THSD7B: variants seen among roughly 807,000 people sequenced by gnomAD.
The protein encoded by THSD7B is thrombospondin type 1 domain containing 7B.
In THSD7B, 138 loss-of-function variants were observed where a neutral mutation model predicts 213.6. The observed-to-expected ratio is 0.65, with a 90% CI of 0.56 to 0.74. The LOEUF is 0.74. THSD7B is among the 30% of genes least tolerant of loss of function. The pLI, the probability that THSD7B is intolerant of heterozygous loss-of-function variation, is 0.00. For synonymous variants in THSD7B, 742 were observed against 687.0 expected (o/e 1.08, Z -1.25); for missense variants, 1,931 against 1,991.5 (o/e 0.97, Z 0.58).
rs188069726 is a variant in THSD7B, at chr2:137,465,718, T to A, written c.3138+14695T>A. Among the ~76,000 whole-genome samples the A allele has an allele frequency of 1.6e-4, 24 of 152,278 alleles. No individual in the cohort carries two copies. The South Asian group carries it at 3.3e-3, about 21-fold the overall frequency. On this transcript the variant is annotated intron_variant, in intron 15 of 27. Transcript: ENST00000409968. Reference sequence around the variant, plus strand: ...AGTAACATGGGTGTGTACTACATGTTCATTGTTCTTAGAGGCAAACAAGCC... The same window carrying A: ...AGTAACATGGGTGTGTACTACATGTACATTGTTCTTAGAGGCAAACAAGCC...
chr2:137,077,780 G>T (rs955349868), intron 3 of THSD7B, among the ~76,000 whole-genome samples: 6 of 150,058 alleles, frequency 4.0e-5, no homozygotes, highest in African/African-American at 1.5e-4. Context: ...TAGGTTGCCT[G>T]TTCACTCTGA....
chr2:136,902,478 G>A (rs1218799150), intron 2 of THSD7B, among the ~76,000 whole-genome samples: 1 of 152,210 alleles, frequency 6.6e-6, no homozygotes, highest in East Asian at 1.9e-4. Context: ...AGGAAGACAG[G>A]TTGGAGCAGC....
chr2:137,050,283 T>C (rs947301145), intron 2 of THSD7B, among the ~76,000 whole-genome samples: 8 of 152,256 alleles, frequency 5.3e-5, no homozygotes, highest in South Asian at 4.1e-4. Context: ...TTTTAAAAGG[T>C]GGTTTTCTGT....
chr2:137,289,467 G>A (rs928322920), intron 12 of THSD7B, among the ~76,000 whole-genome samples: 11 of 151,888 alleles, frequency 7.2e-5, no homozygotes, highest in African/African-American at 1.2e-4. Context: ...ATTTAAAAAC[G>A]TGGGTATGGT....
intron 2 of THSD7B, among the ~76,000 whole-genome samples, chr2:136,991,859 G>A (rs754650253): frequency 3.3e-5 from 5 of 152,194 alleles, no homozygotes; most frequent in Middle Eastern, 3.4e-3. Flanking sequence ...TGTAATTCAG[G>A]TTCATTAACT....
chr2:137,627,123 C>T (rs1266335619), intron 20 of THSD7B, among the ~76,000 whole-genome samples: 1 of 152,136 alleles, frequency 6.6e-6, no homozygotes, highest in African/African-American at 2.4e-5. Context: ...AGAAAGAGAA[C>T]AAGAGCAAGA....
chr2:137,513,650 A>C (rs1023948557), intron 15 of THSD7B, among the ~76,000 whole-genome samples: 1 of 152,296 alleles, frequency 6.6e-6, no homozygotes, highest in Admixed American at 6.5e-5. Flanking sequence ...TAAAAAAGTT[A>C]TTATTATTTT....
intron 15 of THSD7B, among the ~76,000 whole-genome samples, chr2:137,469,199 G>C (rs1688047645): frequency 6.6e-6 from 1 of 152,138 alleles, no homozygotes; most frequent in Admixed American, 6.6e-5. Context: ...AAACCAGAAA[G>C]GTAATTGAAT....
intron 17 of THSD7B, among the ~76,000 whole-genome samples, chr2:137,585,710 G>T (rs1381454820): frequency 6.6e-6 from 1 of 152,092 alleles, no homozygotes; most frequent in Non-Finnish European, 1.5e-5. Context: ...GAGACAGTTT[G>T]TTATAATATC....
At chr2:137,261,791 C>T (rs547644803) in intron 10 of THSD7B, among the ~76,000 whole-genome samples, 1 of 152,062 alleles carries the variant, frequency 6.6e-6, no homozygotes, top group East Asian at 1.9e-4. Context: ...ACAACCACCT[C>T]CAAAACAAAA....
At chr2:137,129,467 T>C (rs1424098090) in intron 5 of THSD7B, among the ~76,000 whole-genome samples, 2 of 151,554 alleles carry the variant, frequency 1.3e-5, no homozygotes, top group Non-Finnish European at 2.9e-5. Flanking sequence ...TAAGACAGAG[T>C]CTCACTCTGT....
chr2:137,117,646 T>G (rs2104940893), intron 5 of THSD7B, among the ~76,000 whole-genome samples: 1 of 152,222 alleles, frequency 6.6e-6, no homozygotes, highest in East Asian at 1.9e-4. Context: ...ATTGCTTAAC[T>G]TTTCTTCCAT....
At chr2:137,081,045 A>G (rs933381407) in intron 3 of THSD7B, among the ~76,000 whole-genome samples, 4 of 152,152 alleles carry the variant, frequency 2.6e-5, no homozygotes, top group African/African-American at 4.8e-5. Context: ...CTTGATTTGT[A>G]TACTGTTTTG....
intron 12 of THSD7B, among the ~76,000 whole-genome samples, chr2:137,343,358 T>A (rs954347946): frequency 5.3e-5 from 8 of 151,856 alleles, no homozygotes; most frequent in East Asian, 3.9e-4. Context: ...TCAGTCTTAG[T>A]GAGTGATATG....
chr2:137,230,374 G>A (rs538626148), intron 7 of THSD7B, among the ~76,000 whole-genome samples: 1 of 152,276 alleles, frequency 6.6e-6, no homozygotes, highest in South Asian at 2.1e-4. Flanking sequence ...GACATCTGGT[G>A]TGTTTGTGCC....
intron 2 of THSD7B, among the ~76,000 whole-genome samples, chr2:137,054,448 C>T (rs749701155): frequency 4.6e-5 from 7 of 152,200 alleles, no homozygotes; most frequent in Admixed American, 3.3e-4. Context: ...GCATTAGAAC[C>T]GGACCCTTTT....
At chr2:137,285,334 TG>T (rs1683143767) in intron 12 of THSD7B, among the ~76,000 whole-genome samples, 1 of 152,180 alleles carries the variant, frequency 6.6e-6, no homozygotes, top group Admixed American at 6.5e-5. Context: ...AGCACACGGA[TG>T]GGTCTTGACT....
intron 2 of THSD7B, among the ~76,000 whole-genome samples, chr2:136,974,176 T>C (rs186636955): frequency 1.3e-5 from 2 of 152,340 alleles, no homozygotes; most frequent in East Asian, 3.9e-4. Context: ...ATAGTTTGTA[T>C]CAAAATATAC....
At chr2:137,440,724 A>C (rs991484285) in intron 14 of THSD7B, among the ~76,000 whole-genome samples, 2 of 152,144 alleles carry the variant, frequency 1.3e-5, no homozygotes, top group Non-Finnish European at 2.9e-5. Context: ...AGAAATACAC[A>C]AATATATAAA....
Sources: allele counts gnomAD v4.1 joint callset (sites outside exome capture counted in the v4.1 genomes callset), GRCh38; gene constraint gnomAD v4.1.1; transcripts MANE v1.5; gene names NCBI Gene and HGNC (gene_info 2026-07-23, HGNC 2026-07-21).